Variants in TARS3 observed in about 807,000 individuals in gnomAD.
TARS3 encodes the protein threonine--tRNA ligase 2, cytoplasmic.
Under a neutral mutation model 103.5 loss-of-function variants are expected in TARS3, and 94 were observed. The ratio of observed to expected loss-of-function variants is 0.91; its 90% CI spans 0.77 to 1.08. The LOEUF (loss-of-function observed/expected upper bound fraction) is 1.08, where lower values mean the gene tolerates loss of function less well. TARS3 is among the 50% of genes least tolerant of loss of function. TARS3 has a pLI of 0.00. For missense variants in TARS3, 952 were observed against 995.2 expected, an observed-to-expected ratio of 0.96 and a Z score of 0.58; for synonymous variants, 416 against 355.4, an observed-to-expected ratio of 1.17 and a Z score of -1.92.
In TARS3 at chr15:101,656,914, T is replaced by G; in HGVS notation, c.2260+8A>C. On this transcript the variant is annotated splice_region_variant and intron_variant, in intron 18 of 18. Transcript: ENST00000335968. ...GCATTTGGAAAAATATATACAAACT[T>G]AAATTACCCAAAATAAAATTATACT... 5 of 1,575,058 alleles carry G rather than the reference T, an allele frequency of 3.2e-6. No individual in the cohort carries two copies. The highest frequency in any genetic ancestry group is 4.3e-6 in the Non-Finnish European group (5 of 1,152,416).
intron 10 of TARS3, among the ~76,000 whole-genome samples, chr15:101,687,194 G>C (rs1898511694): frequency 6.6e-6 from 1 of 152,060 alleles, no homozygotes; most frequent in Non-Finnish European, 1.5e-5. Context: ...CCTGAGGTCA[G>C]GAGTTTGAGA....
chr15:101,657,555 A>G (rs1251198170), intron 17 of TARS3, among the ~76,000 whole-genome samples: 1 of 152,246 alleles, frequency 6.6e-6, no homozygotes, highest in Non-Finnish European at 1.5e-5. Flanking sequence ...GTAGAAATGA[A>G]TAATTATGAT....
At chr15:101,677,497 C>A (rs948594909) in intron 12 of TARS3, among the ~76,000 whole-genome samples, 1 of 119,764 alleles carries the variant, frequency 8.3e-6, no homozygotes, top group Non-Finnish European at 1.8e-5. Context: ...TCCTAGTTCT[C>A]CAGCTTTTTT....
At chr15:101,714,516 G>A (rs1394942456) in intron 4 of TARS3, among the ~76,000 whole-genome samples, 2 of 145,878 alleles carry the variant, frequency 1.4e-5, no homozygotes, top group Non-Finnish European at 3.0e-5. Flanking sequence ...GAGGTGGGAG[G>A]ATCACCTGAG....
At chr15:101,683,556 CAT>C (rs1223558758) in intron 12 of TARS3, among the ~76,000 whole-genome samples, 6 of 152,134 alleles carry the variant, frequency 3.9e-5, no homozygotes, top group African/African-American at 9.7e-5. Context: ...GGTGTACACA[CAT>C]GTGTAAGATG....
chr15:101,678,866 T>C (rs984629005), intron 12 of TARS3, among the ~76,000 whole-genome samples: 8 of 152,238 alleles, frequency 5.3e-5, no homozygotes, highest in Non-Finnish European at 1.0e-4. Context: ...ATGTCTTGAT[T>C]TCCCCTCAAT....
chr15:101,698,364 A>T (rs1164828711), intron 10 of TARS3, among the ~76,000 whole-genome samples: 1 of 151,814 alleles, frequency 6.6e-6, no homozygotes, highest in Non-Finnish European at 1.5e-5. Context: ...AAATACATAA[A>T]TAATTTTTTT....
chr15:101,688,651 G>A (rs939490727), intron 10 of TARS3, among the ~76,000 whole-genome samples: 3 of 152,062 alleles, frequency 2.0e-5, no homozygotes, highest in African/African-American at 7.2e-5. Flanking sequence ...TAAAATAAGA[G>A]TAAAGAAAGT....
At chr15:101,708,948 G>A in intron 5 of TARS3, 38 bp from the exon 6 acceptor site, 1 of 1,305,480 alleles carries the variant, frequency 7.7e-7, no homozygotes, top group East Asian at 2.4e-5. Context: ...CCATCTTCCA[G>A]ACATTATGCA....
At chr15:101,682,565 A>AT (rs1353225190) in intron 12 of TARS3, among the ~76,000 whole-genome samples, 1 of 151,970 alleles carries the variant, frequency 6.6e-6, no homozygotes, top group African/African-American at 2.4e-5. Context: ...AAATTTTTTG[A>AT]TTTTATGTTC....
At chr15:101,711,691 A>T (rs1333655756) in intron 5 of TARS3, among the ~76,000 whole-genome samples, 189 bp downstream of exon 5, 1 of 152,246 alleles carries the variant, frequency 6.6e-6, no homozygotes, top group Non-Finnish European at 1.5e-5. Flanking sequence ...TCTAGCTAAC[A>T]ACAGGCTATT....
intron 10 of TARS3, among the ~76,000 whole-genome samples, chr15:101,689,925 T>C (rs1366450672): frequency 3.9e-5 from 6 of 152,244 alleles, no homozygotes; most frequent in Non-Finnish European, 1.5e-5. Context: ...ATGTATCAGC[T>C]TGGCCCTAGC....
intron 17 of TARS3, among the ~76,000 whole-genome samples, chr15:101,657,377 T>C (rs1453320387): frequency 6.6e-6 from 1 of 152,222 alleles, no homozygotes; most frequent in African/African-American, 2.4e-5. Context: ...GCTGACAGCC[T>C]GACTGCAGCC....
chr15:101,696,679 G>A (rs1189086591), intron 10 of TARS3, among the ~76,000 whole-genome samples: 1 of 152,186 alleles, frequency 6.6e-6, no homozygotes, highest in Admixed American at 6.5e-5. Flanking sequence ...GGACCCCAGA[G>A]AAACCTTAAA....
At chr15:101,692,115 T>G (rs1183945551) in intron 10 of TARS3, among the ~76,000 whole-genome samples, 1 of 152,252 alleles carries the variant, frequency 6.6e-6, no homozygotes, top group African/African-American at 2.4e-5. Flanking sequence ...GGTTTCTGAT[T>G]GGGTCTGACC....
chr15:101,711,873 G>A lies in TARS3; in HGVS notation c.812+7C>T. On this transcript the variant is annotated splice_region_variant and intron_variant, in intron 5 of 18. Coordinates refer to ENST00000335968, the MANE Select transcript of TARS3 (RefSeq NM_152334.3). Reference sequence around the variant, plus strand: ...ATGCATTCACAAGCCAGTATTCAGTGTGTTACCTGTCTTCAATGAACATGT... The same window carrying A: ...ATGCATTCACAAGCCAGTATTCAGTATGTTACCTGTCTTCAATGAACATGT... 2.5e-6 allele frequency: 4 copies of A among 1,613,526 alleles called. No individual in the cohort carries two copies. The highest frequency in any genetic ancestry group is 2.5e-6 in the Non-Finnish European group (3 of 1,179,612).
intron 15 of TARS3, among the ~76,000 whole-genome samples, chr15:101,663,256 A>G (rs966146584): frequency 3.9e-5 from 6 of 152,238 alleles, no homozygotes; most frequent in African/African-American, 1.4e-4. Flanking sequence ...GGTTTGTTAC[A>G]TATGTATACA....
rs61736292 is a variant in TARS3 at position 101,708,900 on chromosome 15, T to C, written c.823A>G (p.Ser275Gly). Residue 275 changes from serine (S) to glycine (G), a missense_variant, in exon 6 of 19, where the codon AGC becomes GGC. By Grantham distance (56) the Ser-to-Gly change is moderately conservative. Around this residue, in one of 2 missense-constraint regions of TARS3, gnomAD observed 412 missense variants for 364.2 expected, o/e 1.13. Coordinates refer to ENST00000335968, the MANE Select transcript of TARS3 (RefSeq NM_152334.3). ...TTCTCCAGGGCTGACAATTCTGTGC[T>C]GGACACTGCTCTAAAAAGAAGAGCA... ...DMFIEDRAVS[S>G]TELSALENIC... The C allele has an allele frequency of 3.6e-4, 574 of 1,588,112 alleles. No individual in the cohort carries two copies. Among genetic ancestry groups the C allele is most frequent in the Non-Finnish European group, 4.6e-4 (533 of 1,169,822 alleles).
intron 4 of TARS3, among the ~76,000 whole-genome samples, chr15:101,713,776 A>G (rs771869161): frequency 3.3e-5 from 5 of 152,250 alleles, no homozygotes; most frequent in South Asian, 2.1e-4. Context: ...CTACATGCAG[A>G]TATCACGTAG....
Sources: allele counts gnomAD v4.1 joint callset (sites outside exome capture counted in the v4.1 genomes callset), GRCh38; gene constraint gnomAD v4.1.1; regional missense constraint gnomAD v4.1.1; transcripts MANE v1.5; gene names NCBI Gene and HGNC (gene_info 2026-07-23, HGNC 2026-07-21).